Variants in ZNF346 observed in about 807,000 individuals in gnomAD.
ZNF346 encodes zinc finger protein 346.
Under a neutral mutation model 33.7 loss-of-function variants are expected in ZNF346, and 23 were observed. The ratio of observed to expected loss-of-function variants is 0.68; its 90% CI spans 0.49 to 0.97. The LOEUF (loss-of-function observed/expected upper bound fraction) is 0.97, where lower values mean the gene tolerates loss of function less well. Among genes scored for constraint, ZNF346 ranks in the 50% least tolerant of loss-of-function variants. The probability of loss-of-function intolerance (pLI) is 0.00; values close to 1 mark genes in which losing one functional copy is unlikely to be tolerated. For synonymous variants in ZNF346, 134 were observed against 142.4 expected, an observed-to-expected ratio of 0.94 and a Z score of 0.42; for missense variants, 340 against 371.1, an observed-to-expected ratio of 0.92 and a Z score of 0.69.
In ZNF346 at chr5:177,022,727, T is replaced by A. The variant is rs1343784684; in HGVS notation, c.-12T>A. The A allele has an allele frequency of 1.3e-6, 2 of 1,545,310 alleles. No individual in the cohort carries two copies. Among genetic ancestry groups the A allele is most frequent in the Non-Finnish European group, 8.7e-7 (1 of 1,150,838 alleles). Reference sequence around the variant, plus strand: ...CTGAGAGGCTCTCTACCGGTGAGGGTTTGCGGGGAAGATGGAGTATCCCGC... The same window carrying A: ...CTGAGAGGCTCTCTACCGGTGAGGGATTGCGGGGAAGATGGAGTATCCCGC... On this transcript the variant is annotated 5_prime_UTR_variant, in exon 1 of 7. Coordinates refer to ENST00000358149, the MANE Select transcript of ZNF346 (RefSeq NM_012279.4).
At position 177,067,921 on chromosome 5, in the gene ZNF346, G is replaced by A. The variant is rs931238830; in HGVS notation, c.*3322G>A. On this transcript the variant is annotated 3_prime_UTR_variant, in exon 7 of 7. Transcript: ENST00000358149. ...GGAGTTTAAGACCATCCTGGCCAAC[G>A]TGGTGAAATCCCATCTCTACAAAAA... 2.0e-5 allele frequency among the ~76,000 whole-genome samples: 3 copies of A among 152,028 alleles called. No homozygotes were observed. The highest frequency in any genetic ancestry group is 2.9e-5 in the Non-Finnish European group (2 of 68,014).
rs200388195 is a variant in ZNF346, at chr5:177,057,797, C to CTTATTTATTTAT, written c.704-4231_704-4220dup. On this transcript the variant is annotated intron_variant, in intron 5 of 6. Coordinates refer to ENST00000358149, the MANE Select transcript of ZNF346 (RefSeq NM_012279.4). Reference sequence around the variant, plus strand: ...CCTTCACTCTGAGGTCATAGATTTTCTTATTTATTTATTTATTTATTTATT... The same window carrying CTTATTTATTTAT: ...CCTTCACTCTGAGGTCATAGATTTTCTTATTTATTTATTTATTTATTTATTTATTTATTTATT... Among the ~76,000 whole-genome samples the CTTATTTATTTAT allele has an allele frequency of 6.2e-3, 824 of 133,298 alleles. 6 individuals carry two copies. Among genetic ancestry groups the CTTATTTATTTAT allele is most frequent in the African/African-American group, 0.019 (702 of 36,002 alleles). The allele number at this position is 133,298 out of a possible 152,430, so 87.4% of individuals were successfully genotyped here. A position where few individuals can be genotyped will look rare whatever the true frequency, so the allele number is the denominator to read the frequency against.
rs1783286048 is a variant in ZNF346, at chr5:177,067,603, T to G, written c.*3004T>G. Among the ~76,000 whole-genome samples the G allele has an allele frequency of 1.3e-5, 2 of 152,232 alleles. No individual in the cohort carries two copies. The highest frequency in any genetic ancestry group is 4.1e-4 in the South Asian group (2 of 4,836). On this transcript the variant is annotated 3_prime_UTR_variant, in exon 7 of 7. Transcript: ENST00000358149. ...AGACCACTTTGTAGTCCCTACCAGC[T>G]GTGTGGCCAGCCCTGTTGGTAAAGG...
chr5:177,064,737 C>T lies in ZNF346; in HGVS notation c.*138C>T. The T allele has an allele frequency of 1.4e-6, 1 of 696,138 alleles. No homozygotes were observed. Among genetic ancestry groups the T allele is most frequent in the South Asian group, 1.7e-5 (1 of 58,888 alleles). 43.1% of individuals were successfully genotyped at this position (696,138 alleles called of 1,614,324 possible). A position where few individuals can be genotyped will look rare whatever the true frequency, so the allele number is the denominator to read the frequency against. On this transcript the variant is annotated 3_prime_UTR_variant, in exon 7 of 7. Coordinates refer to ENST00000358149, the MANE Select transcript of ZNF346 (RefSeq NM_012279.4). ...TGAGGCAGGATTGGGCCACAGACAG[C>T]CTCTCATTGGTCCGGGCTAATTCAC...
At position 177,041,860 on chromosome 5, in the gene ZNF346, A is replaced by G; in HGVS notation, c.362A>G (p.Asp121Gly). The G allele has an allele frequency of 2.5e-6, 4 of 1,610,616 alleles. No individual in the cohort carries two copies. The highest frequency in any genetic ancestry group is 3.4e-6 in the Non-Finnish European group (4 of 1,177,108). The change falls in exon 3 of 7, where the codon GAC becomes GGC. Residue 121 changes from aspartate to glycine, a missense_variant. By Grantham distance (94) the Asp-to-Gly change is moderately conservative. Coordinates refer to ENST00000358149, the MANE Select transcript of ZNF346 (RefSeq NM_012279.4). ...TTAAAGGGGGAAACGAAGAAGCTAGACTCAGATCAGGTAATACAGCTGCCA... is the reference window on the plus strand; with the variant it reads ...TTAAAGGGGGAAACGAAGAAGCTAGGCTCAGATCAGGTAATACAGCTGCCA... ...ETLKGETKKL[D>G]SDQKSSRSKD...
chr5:177,027,965 TGGAA>T (rs60422333), intron 1 of ZNF346, among the ~76,000 whole-genome samples: 62,191 of 149,730 alleles, frequency 0.42, 13,209 homozygotes, highest in East Asian at 0.47. Flanking sequence ...CTTTTCTTTG[TGGAA>T]AGGTATTTGA....
intron 6 of ZNF346, among the ~76,000 whole-genome samples, chr5:177,062,764 C>A (rs1185034350): frequency 6.6e-6 from 1 of 152,146 alleles, no homozygotes; most frequent in East Asian, 1.9e-4. Flanking sequence ...CTGTTGCAGG[C>A]CATATGTCAA....
chr5:177,052,363 G>A (rs548017448), intron 5 of ZNF346: 1 of 151,308 alleles, frequency 6.6e-6, no homozygotes, highest in African/African-American at 2.4e-5. Context: ...TGTATTTTTA[G>A]TAGAGACAAG....
chr5:177,058,399 A>T (rs1357115381), intron 5 of ZNF346, among the ~76,000 whole-genome samples: 1 of 151,794 alleles, frequency 6.6e-6, no homozygotes, highest in Non-Finnish European at 1.5e-5. Context: ...TGAACCTGGG[A>T]GGCGGAGGTT....
At chr5:177,071,413 G>A (rs1396784448), downstream of ZNF346, among the ~76,000 whole-genome samples, 6 of 151,554 alleles carry the variant, frequency 4.0e-5, no homozygotes, top group Non-Finnish European at 5.9e-5. Flanking sequence ...GGCGCCAGGC[G>A]CGGTGGCTCA....
At chr5:177,068,355 T>G (rs770814320), downstream of ZNF346, among the ~76,000 whole-genome samples, 26 of 144,252 alleles carry the variant, frequency 1.8e-4, 1 homozygote, top group Non-Finnish European at 2.9e-4. Flanking sequence ...GTAAATGTAT[T>G]GATTCACTTA....
At chr5:177,046,300 C>CAAA (rs34466141) in intron 4 of ZNF346, among the ~76,000 whole-genome samples, 10 of 102,136 alleles carry the variant, frequency 9.8e-5, no homozygotes, top group African/African-American at 3.3e-4. Context: ...GACCTCGTCT[C>CAAA]AAAAAAAAAA....
chr5:177,027,904 A>G (rs190597888), intron 1 of ZNF346, among the ~76,000 whole-genome samples: 3 of 151,306 alleles, frequency 2.0e-5, no homozygotes, highest in Non-Finnish European at 4.4e-5. Context: ...CAGCCTCCCA[A>G]AGGGTTAGGA....
At chr5:177,045,660 CT>C (rs35668419) in intron 4 of ZNF346, among the ~76,000 whole-genome samples, 2 of 151,096 alleles carry the variant, frequency 1.3e-5, no homozygotes, top group East Asian at 3.9e-4. Flanking sequence ...CGGCCAAAAC[CT>C]TTTTTTTTAA....
downstream of ZNF346, among the ~76,000 whole-genome samples, chr5:177,070,792 A>G (rs1783464129): frequency 1.3e-5 from 2 of 151,610 alleles, no homozygotes; most frequent in African/African-American, 2.4e-5. Flanking sequence ...AGGCGGGGGG[A>G]AAAGTAGCAT....
intron 1 of ZNF346, chr5:177,023,297 C>T (rs1400179975): frequency 3.5e-6 from 4 of 1,153,268 alleles, no homozygotes; most frequent in African/African-American, 3.1e-5. Context: ...CTCCAGATTT[C>T]CTCCTAGGGC....
At chr5:177,037,872 C>G (rs765476793) in intron 1 of ZNF346, among the ~76,000 whole-genome samples, 2 of 152,104 alleles carry the variant, frequency 1.3e-5, no homozygotes, top group African/African-American at 2.4e-5. Context: ...TATATTCATT[C>G]AACATCATCT....
chr5:177,073,574 G>A (rs1783602462), intron 8 of ZNF346, among the ~76,000 whole-genome samples: 1 of 152,196 alleles, frequency 6.6e-6, no homozygotes, highest in Non-Finnish European at 1.5e-5. Context: ...AGAGTGCTGG[G>A]ATTGCAGACG....
rs930049399 is a variant in ZNF346 at position 177,064,437 on chromosome 5, G to A, written c.798-75G>A. 2.9e-5 allele frequency: 34 copies of A among 1,188,688 alleles called. No homozygotes were observed. In the African/African-American group the frequency reaches 4.2e-4, roughly 15 times the overall value. The allele number at this position is 1,188,688 out of a possible 1,614,324, so 73.6% of individuals were successfully genotyped here. A position where few individuals can be genotyped will look rare whatever the true frequency, so the allele number is the denominator to read the frequency against. On this transcript the variant is annotated intron_variant, in intron 6 of 6. Coordinates refer to ENST00000358149, the MANE Select transcript of ZNF346 (RefSeq NM_012279.4). ...TCTATTACTCCAAGGCCCTGGAAGGGCAGTGCTATCATTGCAGTAGGCCAA... is the reference window on the plus strand; with the variant it reads ...TCTATTACTCCAAGGCCCTGGAAGGACAGTGCTATCATTGCAGTAGGCCAA...
Sources: gnomAD v4.1 joint callset for allele counts (sites outside exome capture counted in the v4.1 genomes callset) on GRCh38, gnomAD v4.1.1 for gene constraint, MANE v1.5 for transcripts, NCBI Gene and HGNC (gene_info 2026-07-23, HGNC 2026-07-21) for gene names.